The following CRIP2 variants were observed in gnomAD, a reference collection of about 807,000 sequenced individuals.
CRIP2 encodes cysteine rich protein 2.
Under a neutral mutation model 31.3 loss-of-function variants are expected in CRIP2, and 31 were observed. The observed-to-expected ratio is 0.99, with a 90% CI of 0.74 to 1.34. CRIP2 has a LOEUF of 1.34. CRIP2 is among the 40% of genes most tolerant of loss of function. The probability of loss-of-function intolerance (pLI) is 0.00; values close to 1 mark genes in which losing one functional copy is unlikely to be tolerated. For missense variants in CRIP2, 389 were observed against 301.6 expected, an observed-to-expected ratio of 1.29 and a Z score of -2.15; for synonymous variants, 177 against 127.2, an observed-to-expected ratio of 1.39 and a Z score of -2.63.
At chr14:105,477,223 C>T (rs1266270924) in intron 1 of CRIP2, 3 of 967,006 alleles carry the variant, frequency 3.1e-6, no homozygotes, top group Admixed American at 6.2e-5. Flanking sequence ...TAGGGAGGCC[C>T]CTGCTTCCAT....
rs2083999469 is a variant in CRIP2, at chr14:105,478,384, G to T, written c.138+24G>T. ...AGGTGAGCCCCACTGCGCGGCGCGGGCGGGGGCGGGGGTCGCGACTCCCGC... is the reference window on the plus strand; with the variant it reads ...AGGTGAGCCCCACTGCGCGGCGCGGTCGGGGGCGGGGGTCGCGACTCCCGC... On this transcript the variant is annotated intron_variant, in intron 2 of 7. Transcript: ENST00000329146. This position sits in a 1 kb window ranked among gnomAD's most constrained non-coding sequence, Gnocchi z 4.9. The T allele has an allele frequency of 1.3e-6, 2 of 1,568,974 alleles. No homozygotes were observed. The highest frequency in any genetic ancestry group is 1.4e-5 in the African/African-American group (1 of 73,574).
rs782797688 is a variant in CRIP2, at chr14:105,478,516, C to T, written c.196+9C>T. On this transcript the variant is annotated intron_variant, in intron 3 of 7. Transcript: ENST00000329146. This position sits in a 1 kb window ranked among gnomAD's most constrained non-coding sequence, Gnocchi z 4.9. Reference sequence around the variant, plus strand: ...CCTGTTCGGACCCAAAGGTGAGCTCCGGCTGCCCTCGGCCTGCCCTGGGAC... The same window carrying T: ...CCTGTTCGGACCCAAAGGTGAGCTCTGGCTGCCCTCGGCCTGCCCTGGGAC... The T allele has an allele frequency of 3.7e-6, 6 of 1,606,036 alleles. No individual in the cohort carries two copies. The South Asian group carries it at 4.4e-5, about 12-fold the overall frequency.
In CRIP2 at chr14:105,479,736, C is replaced by A; in HGVS notation, c.*83C>A. ...CCTGCTTGGCTCTGCTGGGAGAGTG[C>A]TCAGCCGCCCAGTCCTGCCTGCAAG... On this transcript the variant is annotated 3_prime_UTR_variant, in exon 8 of 8. Transcript: ENST00000329146. 1.4e-6 allele frequency: 2 copies of A among 1,444,182 alleles called. No individual in the cohort carries two copies. The highest frequency in any genetic ancestry group is 9.4e-7 in the Non-Finnish European group (1 of 1,058,506). The allele number at this position is 1,444,182 out of a possible 1,614,324, so 89.5% of individuals were successfully genotyped here.
At chr14:105,477,201 T>C in intron 1 of CRIP2, 1 of 910,266 alleles carries the variant, frequency 1.1e-6, no homozygotes, top group Non-Finnish European at 1.3e-6. Context: ...CACCTCTTCC[T>C]GCCTGGCTCC....
chr14:105,474,935 G>C lies in CRIP2; in HGVS notation c.43+30G>C, dbSNP rs782634104. On this transcript the variant is annotated intron_variant, in intron 1 of 7. Transcript: ENST00000329146. This position sits in a 1 kb window ranked among gnomAD's most constrained non-coding sequence, Gnocchi z 5.1. ...GTGCGTGCCCGCTCCCGGCCCGCTC[G>C]GTGCATCCCGCCGCCCTTCGCGGCC... 1.0e-5 allele frequency: 15 copies of C among 1,489,472 alleles called. No individual in the cohort carries two copies. Among genetic ancestry groups the C allele is most frequent in the African/African-American group, 1.5e-5 (1 of 68,402 alleles). 92.3% of individuals were successfully genotyped at this position (1,489,472 alleles called of 1,614,324 possible).
At chr14:105,475,741 G>T in intron 1 of CRIP2, 3 of 847,110 alleles carry the variant, frequency 3.5e-6, no homozygotes, top group Non-Finnish European at 4.3e-6. Context: ...CACTCTCTGG[G>T]CCTGGGTGCG....
chr14:105,476,093 C>A, intron 1 of CRIP2: 2 of 985,562 alleles, frequency 2.0e-6, no homozygotes, highest in Admixed American at 6.1e-5. Context: ...TCCTGGAGCC[C>A]GCTCAGCCCT....
chr14:105,478,219 G>A lies in CRIP2; in HGVS notation c.44-47G>A. On this transcript the variant is annotated intron_variant, in intron 1 of 7. Coordinates refer to ENST00000329146, the MANE Select transcript of CRIP2 (RefSeq NM_001312.4). This position sits in a 1 kb window ranked among gnomAD's most constrained non-coding sequence, Gnocchi z 4.9. The stretch of plus-strand genomic sequence containing the variant: ...GCTGCCAGGTGGGGGCGGAGGGGGT[G>A]CGGGGCGCGCCCCGGCCCTGACCCC... The A allele has an allele frequency of 1.4e-6, 2 of 1,409,662 alleles. No individual in the cohort carries two copies. Among genetic ancestry groups the A allele is most frequent in the Non-Finnish European group, 9.3e-7 (1 of 1,070,596 alleles). The allele number at this position is 1,409,662 out of a possible 1,614,324, so 87.3% of individuals were successfully genotyped here.
Position 105,474,959 on chromosome 14 carries a change from C to A in CRIP2, c.43+54C>A. The A allele has an allele frequency of 6.9e-7, 1 of 1,456,848 alleles. No individual in the cohort carries two copies. 90.2% of individuals were successfully genotyped at this position (1,456,848 alleles called of 1,614,324 possible). On this transcript the variant is annotated intron_variant, in intron 1 of 7. Transcript: ENST00000329146. This position sits in a 1 kb window ranked among gnomAD's most constrained non-coding sequence, Gnocchi z 5.1. ...CGGTGCATCCCGCCGCCCTTCGCGG[C>A]CAGTCCCGCGCCGCAGAGCCGCGGC...
At chr14:105,476,069 C>T (rs2083926807) in intron 1 of CRIP2, 3 of 985,502 alleles carry the variant, frequency 3.0e-6, no homozygotes, top group African/African-American at 1.7e-5. Flanking sequence ...AGCCGAGGGG[C>T]TTCCGGCTGC....
Position 105,478,455 on chromosome 14 carries a change from C to T in CRIP2, c.144C>T (p.Asp48=), listed in dbSNP as rs587731803. The change falls in exon 3 of 8, where the codon GAC becomes GAT. Residue 48 remains aspartate (D), a synonymous_variant. Transcript: ENST00000329146. This position sits in a 1 kb window ranked among gnomAD's most constrained non-coding sequence, Gnocchi z 4.9. ...TLTPGGHAEH[D]GKPFCHKPCY... Reference sequence around the variant, plus strand: ...ACCCGCGCCCCTCTGCGCAGCATGACGGGAAGCCGTTCTGCCACAAGCCGT... The same window carrying T: ...ACCCGCGCCCCTCTGCGCAGCATGATGGGAAGCCGTTCTGCCACAAGCCGT... The T allele has an allele frequency of 1.2e-5, 20 of 1,605,014 alleles. No individual in the cohort carries two copies. The African/African-American group carries it at 1.7e-4, about 14-fold the overall frequency.
In CRIP2 at chr14:105,478,849, C is replaced by T. The variant is rs1482798823; in HGVS notation, c.315C>T (p.Gly105=). Reference sequence around the variant, plus strand: ...GAGCAGAGGAGCGGAAGGCGAGCGGCCCCCCGAAGGGGCCCAGCAGAGGTG... The same window carrying T: ...GAGCAGAGGAGCGGAAGGCGAGCGGTCCCCCGAAGGGGCCCAGCAGAGGTG... ...AARAEERKAS[G]PPKGPSRASS... The change falls in exon 4 of 8, where the codon GGC becomes GGT. Residue 105 remains glycine, a synonymous_variant. Transcript: ENST00000329146. This position sits in a 1 kb window ranked among gnomAD's most constrained non-coding sequence, Gnocchi z 4.9. 9.1e-6 allele frequency: 13 copies of T among 1,425,082 alleles called. No homozygotes were observed. Among genetic ancestry groups the T allele is most frequent in the Non-Finnish European group, 1.2e-5 (13 of 1,100,092 alleles). 88.3% of individuals were successfully genotyped at this position (1,425,082 alleles called of 1,614,324 possible).
upstream of CRIP2, chr14:105,472,987 C>T (rs1043347898): frequency 2.6e-5 from 15 of 585,812 alleles, no homozygotes; most frequent in South Asian, 4.0e-5. Flanking sequence ...GGCAGGTGGT[C>T]TCCCTCCAGA....
upstream of CRIP2, chr14:105,473,501 C>T: frequency 6.5e-7 from 1 of 1,535,290 alleles, no homozygotes; most frequent in Non-Finnish European, 8.7e-7. Flanking sequence ...GTGCACCAGG[C>T]AGAGGGAACA....
Position 105,480,107 on chromosome 14 carries a change from A to C in CRIP2, c.*454A>C. The C allele has an allele frequency of 5.1e-6, 1 of 195,134 alleles. No homozygotes were observed. The highest frequency in any genetic ancestry group is 1.1e-5 in the Non-Finnish European group (1 of 93,728). The allele number at this position is 195,134 out of a possible 1,614,324, so 12.1% of individuals were successfully genotyped here. A position where few individuals can be genotyped will look rare whatever the true frequency, so the allele number is the denominator to read the frequency against. ...TGCCTCGCAAGCGCTCGCCACCCTC[A>C]CGTGGCTCACCTGCTGTTGAGCCTT... On this transcript the variant is annotated 3_prime_UTR_variant, in exon 8 of 8. Transcript: ENST00000329146.
At position 105,476,601 on chromosome 14, in the gene CRIP2, C is replaced by T. The variant is rs958978757; in HGVS notation, c.44-1665C>T. 3.0e-6 allele frequency: 3 copies of T among 985,392 alleles called. No homozygotes were observed. In the African/African-American group the frequency reaches 5.2e-5, roughly 17 times the overall value. 61.0% of individuals were successfully genotyped at this position (985,392 alleles called of 1,614,324 possible). On this transcript the variant is annotated intron_variant, in intron 1 of 7. Coordinates refer to ENST00000329146, the MANE Select transcript of CRIP2 (RefSeq NM_001312.4). ...GGTCTGAGGGCCAGTTCCCTGCCCCCACTTGGCCCACGTCCCAGAGCTGGC... is the reference window on the plus strand; with the variant it reads ...GGTCTGAGGGCCAGTTCCCTGCCCCTACTTGGCCCACGTCCCAGAGCTGGC...
chr14:105,473,555 G>T (rs978919289), upstream of CRIP2: 4 of 1,514,306 alleles, frequency 2.6e-6, no homozygotes, highest in Admixed American at 2.0e-5. Flanking sequence ...GACACAGGGG[G>T]AAGGGTGTCC....
chr14:105,476,544 C>T, intron 1 of CRIP2: 1 of 985,572 alleles, frequency 1.0e-6, no homozygotes, highest in Non-Finnish European at 1.2e-6. Flanking sequence ...CCAACTCGGA[C>T]CCGTAATGTG....
intron 1 of CRIP2, chr14:105,476,597 C>T: frequency 1.0e-6 from 1 of 985,526 alleles, no homozygotes; most frequent in Non-Finnish European, 1.2e-6. Context: ...CAGTTCCCTG[C>T]CCCCACTTGG....
Sources: gnomAD v4.1 joint callset for allele counts on GRCh38, gnomAD v4.1.1 for gene constraint, Gnocchi (gnomAD v3.1) non-coding constraint, MANE v1.5 for transcripts, NCBI Gene and HGNC (gene_info 2026-07-23, HGNC 2026-07-21) for gene names.